Variants in ABCA13 observed in about 807,000 individuals in gnomAD.
The protein encoded by ABCA13 is ATP binding cassette subfamily A member 13.
ABCA13 carries 476 observed loss-of-function variants against 478.7 expected under a neutral mutation model. That is an observed-to-expected ratio of 0.99 (90% CI 0.92 to 1.07). ABCA13 has a LOEUF of 1.07. ABCA13 is among the 50% of genes least tolerant of loss of function. The pLI is 0.00. For synonymous variants in ABCA13, 2,252 were observed against 2,158.9 expected (o/e 1.04, Z -1.20); for missense variants, 6,060 against 5,910.6 (o/e 1.03, Z -0.83).
At chr7:48,263,220 A>C (rs573382610) in intron 15 of ABCA13, among the ~76,000 whole-genome samples, 19 of 152,046 alleles carry the variant, frequency 1.2e-4, no homozygotes, top group African/African-American at 4.6e-4. Flanking sequence ...AAGCACAGGA[A>C]AGTTTGAGAA....
At chr7:48,230,034 A>G in intron 7 of ABCA13, 79 bp downstream of exon 7, 1 of 1,429,742 alleles carries the variant, frequency 7.0e-7, no homozygotes, top group Non-Finnish European at 9.4e-7. Flanking sequence ...ATAGAGCTAA[A>G]ATGATGTTCA....
chr7:48,504,124 G>A (rs375942883), intron 48 of ABCA13, among the ~76,000 whole-genome samples: 5 of 152,152 alleles, frequency 3.3e-5, no homozygotes, highest in African/African-American at 9.7e-5. Context: ...GGTGTCAGCA[G>A]GGTTGGACAG....
At chr7:48,551,398 C>T (rs1010077592) in intron 55 of ABCA13, among the ~76,000 whole-genome samples, 7 of 151,618 alleles carry the variant, frequency 4.6e-5, no homozygotes, top group Non-Finnish European at 8.9e-5. Context: ...CACTATAATC[C>T]CATGTGATTA....
At chr7:48,562,688 G>C (rs1418061527) in intron 55 of ABCA13, among the ~76,000 whole-genome samples, 1 of 152,156 alleles carries the variant, frequency 6.6e-6, no homozygotes, top group East Asian at 1.9e-4. Flanking sequence ...TGGGGGACTA[G>C]ATGCTGTCTT....
Position 48,529,187 on chromosome 7 carries a change from C to G in ABCA13, c.14354+842C>G, listed in dbSNP as rs141568836. Among the ~76,000 whole-genome samples the G allele has an allele frequency of 6.2e-3, 940 of 152,312 alleles. 9 individuals are homozygous for G. The highest frequency in any genetic ancestry group is 0.022 in the African/African-American group (896 of 41,562). ...CTACTGCAAGAAGAAATCCCCTGCT[C>G]TAAACCTCTCTGTGCTCAATTTGCT... On this transcript the variant is annotated intron_variant, in intron 55 of 61. Transcript: ENST00000435803.
chr7:48,548,890 T>A (rs1785060760), intron 55 of ABCA13, among the ~76,000 whole-genome samples: 1 of 151,490 alleles, frequency 6.6e-6, no homozygotes, highest in Non-Finnish European at 1.5e-5. Flanking sequence ...CACAGGTGAG[T>A]CTACTGACTC....
At chr7:48,340,433 T>C (rs1806971149) in intron 29 of ABCA13, among the ~76,000 whole-genome samples, 1 of 152,162 alleles carries the variant, frequency 6.6e-6, no homozygotes, top group Admixed American at 6.5e-5. Flanking sequence ...AAAATAACTT[T>C]TTGCTTTATT....
chr7:48,489,897 G>T (rs1412612074), intron 48 of ABCA13, among the ~76,000 whole-genome samples: 3 of 152,120 alleles, frequency 2.0e-5, no homozygotes, highest in Non-Finnish European at 4.4e-5. Context: ...ATTTCACTTA[G>T]GTGGGATAAA....
rs1471484880 is a variant in ABCA13, at chr7:48,528,307, T to C, written c.14316T>C (p.Ser4772=). The C allele has an allele frequency of 6.4e-7, 1 of 1,573,822 alleles. No individual in the cohort carries two copies. Among genetic ancestry groups the C allele is most frequent in the African/African-American group, 1.3e-5 (1 of 74,220 alleles). The change falls in exon 55 of 62, where the codon TCT becomes TCC. Residue 4772 remains serine (S), a synonymous_variant. Coordinates refer to ENST00000435803, the MANE Select transcript of ABCA13 (RefSeq NM_152701.5). Reference sequence around the variant, plus strand: ...TCAAAATGCTGAATGGTGAAGTTTCTCTAACTTCAGGACATGCTATCATCA... The same window carrying C: ...TCAAAATGCTGAATGGTGAAGTTTCCCTAACTTCAGGACATGCTATCATCA... The part of the protein sequence containing the change: ...TTFKMLNGEV[S]LTSGHAIIRT...
chr7:48,302,089 C>T (rs1488075685), intron 23 of ABCA13, among the ~76,000 whole-genome samples: 1 of 152,168 alleles, frequency 6.6e-6, no homozygotes, highest in East Asian at 1.9e-4. Context: ...GTGGAAGTCA[C>T]AGCTGGGAGA....
chr7:48,193,994 A>G (rs2128899496), intron 2 of ABCA13, among the ~76,000 whole-genome samples: 1 of 147,314 alleles, frequency 6.8e-6, no homozygotes, highest in South Asian at 2.2e-4. Flanking sequence ...TGGAGATGAT[A>G]GTGATGATAG....
Position 48,376,429 on chromosome 7 carries a change from T to C in ABCA13, c.11204-12T>C. 6.2e-7 allele frequency: 1 copy of C among 1,611,984 alleles called. No individual in the cohort carries two copies. Among genetic ancestry groups the C allele is most frequent in the Non-Finnish European group, 8.5e-7 (1 of 1,179,100 alleles). On this transcript the variant is annotated splice_polypyrimidine_tract_variant and intron_variant, in intron 34 of 61. Coordinates refer to ENST00000435803, the MANE Select transcript of ABCA13 (RefSeq NM_152701.5). The stretch of plus-strand genomic sequence containing the variant: ...TGTGCAGTTCTAACTCTGACCTTTT[T>C]CTTCCTGCTAGGGATTCAATGGAAT...
At chr7:48,213,097 T>C (rs1785918685) in intron 3 of ABCA13, among the ~76,000 whole-genome samples, 2 of 152,188 alleles carry the variant, frequency 1.3e-5, no homozygotes, top group Non-Finnish European at 2.9e-5. Context: ...TATTTCTTTC[T>C]ATGGTGTGAT....
rs569954951 is a variant in ABCA13 at position 48,639,975 on chromosome 7, T to A, written c.14838-3313T>A. 3.3e-5 allele frequency among the ~76,000 whole-genome samples: 5 copies of A among 152,322 alleles called. No individual in the cohort carries two copies. The South Asian group carries it at 8.3e-4, about 25-fold the overall frequency. On this transcript the variant is annotated intron_variant, in intron 59 of 61. Transcript: ENST00000435803. ...CATTATTTTAGAATTCAAAATAGTA[T>A]AAAGAATAAAACCTAATGGTTATGC... is the stretch of plus-strand genomic sequence containing the variant.
At chr7:48,237,895 G>A (rs901269590) in intron 8 of ABCA13, among the ~76,000 whole-genome samples, 1 of 152,312 alleles carries the variant, frequency 6.6e-6, no homozygotes, top group Admixed American at 6.5e-5. Flanking sequence ...TGGGGACTTG[G>A]CCTTATCTAT....
At position 48,171,539 on chromosome 7, in the gene ABCA13, G is replaced by A; in HGVS notation, c.56G>A (p.Arg19Lys). Reference protein sequence around the residue: ...KALLWKNWLCRLRNPVLFLAE... With the variant: ...KALLWKNWLCKLRNPVLFLAE... Reference sequence around the variant, plus strand: ...CTGCTGTGGAAGAATTGGCTCTGCAGACTCAGGAACCCGGTGAGTGCTTGC... The same window carrying A: ...CTGCTGTGGAAGAATTGGCTCTGCAAACTCAGGAACCCGGTGAGTGCTTGC... Residue 19 changes from arginine (R) to lysine (K), a missense_variant, in exon 1 of 62, where the codon AGA (arginine) becomes AAA (lysine). Coordinates refer to ENST00000435803, the MANE Select transcript of ABCA13 (RefSeq NM_152701.5). The A allele has an allele frequency of 6.5e-7, 1 of 1,536,412 alleles. No individual in the cohort carries two copies. Among genetic ancestry groups the A allele is most frequent in the Non-Finnish European group, 8.7e-7 (1 of 1,146,896 alleles).
chr7:48,599,702 A>T (rs896344483), intron 58 of ABCA13, among the ~76,000 whole-genome samples: 6 of 152,202 alleles, frequency 3.9e-5, no homozygotes, highest in African/African-American at 1.4e-4. Flanking sequence ...GTGTAGTGTG[A>T]AAGCTTCCAC....
chr7:48,329,694 CATTT>C (rs1233455704), intron 27 of ABCA13, among the ~76,000 whole-genome samples: 2 of 151,842 alleles, frequency 1.3e-5, no homozygotes, highest in African/African-American at 2.4e-5. Flanking sequence ...TAAAATCATT[CATTT>C]ATCTGTCCAT....
chr7:48,438,610 G>T, intron 42 of ABCA13, among the ~76,000 whole-genome samples: 1 of 143,426 alleles, frequency 7.0e-6, no homozygotes, highest in African/African-American at 2.6e-5. Flanking sequence ...AGCTTTTCTT[G>T]ACTTTTGCTA....
Sources: gnomAD v4.1 joint callset for allele counts (sites outside exome capture counted in the v4.1 genomes callset) on GRCh38, gnomAD v4.1.1 for gene constraint, MANE v1.5 for transcripts, NCBI Gene and HGNC (gene_info 2026-07-23, HGNC 2026-07-21) for gene names.